Variants in CSNK2A1 observed in about 807,000 individuals in gnomAD.
The protein encoded by CSNK2A1 is casein kinase II subunit alpha.
Under a neutral mutation model 62.9 loss-of-function variants are expected in CSNK2A1, and 10 were observed. The ratio of observed to expected loss-of-function variants is 0.16; its 90% CI spans 0.10 to 0.27. The LOEUF is 0.27. CSNK2A1 is among the 10% of genes least tolerant of loss of function. The pLI, the probability that CSNK2A1 is intolerant of heterozygous loss-of-function variation, is 1.00. For missense variants in CSNK2A1, 160 were observed against 492.0 expected (o/e 0.33, Z 6.38); for synonymous variants, 124 against 167.8 (o/e 0.74, Z 2.02).
At chr20:508,269 C>A in intron 3 of CSNK2A1, 182 bp downstream of exon 3, 1 of 557,712 alleles carries the variant, frequency 1.8e-6, no homozygotes, top group Non-Finnish European at 3.1e-6. Flanking sequence ...GTTCACTTGC[C>A]AAAGCAACTC....
At chr20:512,138 C>T (rs910634919) in intron 2 of CSNK2A1, among the ~76,000 whole-genome samples, 6 of 152,018 alleles carry the variant, frequency 3.9e-5, no homozygotes, top group African/African-American at 1.2e-4. Context: ...ATCCTCCCAC[C>T]TCGGCCTCCC....
At chr20:532,222 T>C (rs2019226788) in intron 1 of CSNK2A1, among the ~76,000 whole-genome samples, 1 of 151,952 alleles carries the variant, frequency 6.6e-6, no homozygotes, top group South Asian at 2.1e-4. Context: ...TGGAGTGCAG[T>C]GGCACGCTCT....
rs1600424850 is a variant in CSNK2A1, at chr20:541,995, C to A, written c.-227+1677G>T. Among the ~76,000 whole-genome samples the A allele has an allele frequency of 2.0e-5, 3 of 152,270 alleles. No individual in the cohort carries two copies. The East Asian group carries it at 5.8e-4, about 29-fold the overall frequency. On this transcript the variant is annotated intron_variant, in intron 1 of 13. Transcript: ENST00000217244. Reference sequence around the variant, plus strand: ...GGTACTGGACTTTCAGCCCCAGGTCCACCAAGCCAGTAAAGCCAAATGACT... The same window carrying A: ...GGTACTGGACTTTCAGCCCCAGGTCAACCAAGCCAGTAAAGCCAAATGACT...
intron 2 of CSNK2A1, among the ~76,000 whole-genome samples, chr20:522,979 G>C (rs1171673640): frequency 6.6e-6 from 1 of 152,132 alleles, no homozygotes; most frequent in Non-Finnish European, 1.5e-5. Context: ...GACTGGCCCA[G>C]TTTCTTAGTG....
chr20:519,180 C>T (rs1302998202), intron 2 of CSNK2A1, among the ~76,000 whole-genome samples: 2 of 152,068 alleles, frequency 1.3e-5, no homozygotes, highest in African/African-American at 4.8e-5. Flanking sequence ...TCAAGTGACC[C>T]GCCCATCTTG....
At position 474,461 on chromosome 20, in the gene CSNK2A1, G is replaced by C. The variant is rs1473880476; in HGVS notation, c.*9500C>G. On this transcript the variant is annotated 3_prime_UTR_variant, in exon 14 of 14. Transcript: ENST00000217244. ...CTCCAAGCAAGAGAGGATGGTGGCT[G>C]GGATGAGGAATTTGGCAACGGGAAT... 1.3e-5 allele frequency: 2 copies of C among 152,184 alleles called. No individual in the cohort carries two copies. The highest frequency in any genetic ancestry group is 1.3e-4 in the Admixed American group (2 of 15,278). 9.4% of individuals were successfully genotyped at this position (152,184 alleles called of 1,614,324 possible).
chr20:505,996 TCC>T (rs1184985499), intron 3 of CSNK2A1: 6 of 145,792 alleles, frequency 4.1e-5, no homozygotes, highest in Non-Finnish European at 4.5e-5. Flanking sequence ...TGCCTCAGCC[TCC>T]CCTAGTAGCT....
In CSNK2A1 at chr20:487,367, ACT is replaced by A. The variant is rs1385885893; in HGVS notation, c.973+58_973+59del. 17 of 1,603,240 alleles carry A rather than the reference ACT, an allele frequency of 1.1e-5. No individual in the cohort carries two copies. The African/African-American group carries it at 1.6e-4, about 15-fold the overall frequency. On this transcript the variant is annotated intron_variant, in intron 12 of 13. Coordinates refer to ENST00000217244, the MANE Select transcript of CSNK2A1 (RefSeq NM_177559.3). ...CAAGCTGACAGGAGCTGGGATTACG[ACT>A]CTGTTCTATAGGACTCTGCGCCTGC...
Position 480,130 on chromosome 20 carries a change from T to C in CSNK2A1, c.*3831A>G, listed in dbSNP as rs6052320. Reference sequence around the variant, plus strand: ...TCTCATTAAATAAAGTTACTTGTCATGTTAGTTCAGTCTGGCCTGTGGCTT... The same window carrying C: ...TCTCATTAAATAAAGTTACTTGTCACGTTAGTTCAGTCTGGCCTGTGGCTT... On this transcript the variant is annotated 3_prime_UTR_variant, in exon 14 of 14. Transcript: ENST00000217244. The C allele has an allele frequency of 2.0e-4, 30 of 152,302 alleles. 1 individual carries two copies. Among genetic ancestry groups the C allele is most frequent in the African/African-American group, 7.2e-4 (30 of 41,568 alleles). 9.4% of individuals were successfully genotyped at this position (152,302 alleles called of 1,614,324 possible).
At chr20:496,160 T>TA in intron 7 of CSNK2A1, 1 of 203,864 alleles carries the variant, frequency 4.9e-6, no homozygotes, top group Non-Finnish European at 1.0e-5. Context: ...ACAAACCTCT[T>TA]ATTCTAAGAA....
chr20:515,321 C>G (rs748850496), intron 2 of CSNK2A1, among the ~76,000 whole-genome samples: 5 of 152,134 alleles, frequency 3.3e-5, no homozygotes, highest in Admixed American at 6.5e-5. Flanking sequence ...TAAGAGTGCA[C>G]AAGATAGGTT....
At chr20:515,141 A>C (rs867754974) in intron 2 of CSNK2A1, among the ~76,000 whole-genome samples, 2 of 152,212 alleles carry the variant, frequency 1.3e-5, no homozygotes, top group Non-Finnish European at 2.9e-5. Flanking sequence ...AGCACACGTG[A>C]GAGAAATGAT....
rs1210654845 is a variant in CSNK2A1 at position 487,673 on chromosome 20, A to C, written c.825-98T>G. 3.9e-6 allele frequency: 6 copies of C among 1,550,206 alleles called. No homozygotes were observed. In the South Asian group the frequency reaches 4.7e-5, roughly 12 times the overall value. On this transcript the variant is annotated intron_variant, in intron 11 of 13. Coordinates refer to ENST00000217244, the MANE Select transcript of CSNK2A1 (RefSeq NM_177559.3). ...TTCTTAGTGGCTAACAGCCCAGACAAAAGCAAAGAGGGATCCAAACTCAAG... is the reference window on the plus strand; with the variant it reads ...TTCTTAGTGGCTAACAGCCCAGACACAAGCAAAGAGGGATCCAAACTCAAG...
chr20:507,666 A>G (rs1167062654), intron 3 of CSNK2A1: 3 of 152,232 alleles, frequency 2.0e-5, no homozygotes, highest in Non-Finnish European at 2.9e-5. Context: ...ATTGTTTCTC[A>G]TCAGAAAGAA....
rs1403178425 is a variant in CSNK2A1, at chr20:474,782, G to GA, written c.*9178dup. 3.3e-5 allele frequency: 5 copies of GA among 152,104 alleles called. No homozygotes were observed. The highest frequency in any genetic ancestry group is 7.4e-5 in the Non-Finnish European group (5 of 68,026). 9.4% of individuals were successfully genotyped at this position (152,104 alleles called of 1,614,324 possible). A position where few individuals can be genotyped will look rare whatever the true frequency, so the allele number is the denominator to read the frequency against. On this transcript the variant is annotated 3_prime_UTR_variant, in exon 14 of 14. Coordinates refer to ENST00000217244, the MANE Select transcript of CSNK2A1 (RefSeq NM_177559.3). Reference sequence around the variant, plus strand: ...TGTCATCATACTGTAATCCTGGTTAGACCAGTATTCAGTGTTTCCATTATG... The same window carrying GA: ...TGTCATCATACTGTAATCCTGGTTAGAACCAGTATTCAGTGTTTCCATTATG...
chr20:533,598 G>A (rs2019256108), intron 1 of CSNK2A1, among the ~76,000 whole-genome samples: 1 of 152,164 alleles, frequency 6.6e-6, no homozygotes, highest in African/African-American at 2.4e-5. Flanking sequence ...GCGAGACGCT[G>A]TCTCAAAATA....
intron 2 of CSNK2A1, among the ~76,000 whole-genome samples, chr20:511,994 C>T (rs1485192339): frequency 6.6e-6 from 1 of 152,126 alleles, no homozygotes; most frequent in East Asian, 1.9e-4. Context: ...ATTTTACACT[C>T]CCAGGAACAG....
chr20:520,287 T>C (rs567403783), intron 2 of CSNK2A1, among the ~76,000 whole-genome samples: 101 of 152,032 alleles, frequency 6.6e-4, no homozygotes, highest in African/African-American at 2.1e-3. Flanking sequence ...TTCTGAAAAA[T>C]AATAAAGCTG....
At chr20:540,268 C>T (rs932446264) in intron 1 of CSNK2A1, among the ~76,000 whole-genome samples, 3 of 152,174 alleles carry the variant, frequency 2.0e-5, no homozygotes, top group Non-Finnish European at 4.4e-5. Context: ...GGAAGTATTC[C>T]ACATGGGTCC....
Sources: allele counts gnomAD v4.1 joint callset (sites outside exome capture counted in the v4.1 genomes callset), GRCh38; gene constraint gnomAD v4.1.1; transcripts MANE v1.5; gene names NCBI Gene and HGNC (gene_info 2026-07-23, HGNC 2026-07-21).